Variants in SYBU observed in about 807,000 individuals in gnomAD.
The protein encoded by SYBU is GOLSYN A protein.
SYBU carries 21 observed loss-of-function variants against 35.9 expected under a neutral mutation model. That is an observed-to-expected ratio of 0.58 (90% CI 0.41 to 0.84). SYBU has a LOEUF of 0.84. Ranked by LOEUF, SYBU falls within the 40% of genes least tolerant of loss-of-function variation. The pLI is 0.00. For synonymous variants in SYBU, 319 were observed against 324.3 expected (o/e 0.98, Z 0.18); for missense variants, 768 against 848.2 (o/e 0.91, Z 1.17).
intron 2 of SYBU, among the ~76,000 whole-genome samples, chr8:109,631,488 A>G (rs968636606): frequency 1.3e-5 from 2 of 152,170 alleles, no homozygotes; most frequent in Admixed American, 6.5e-5. Context: ...GTAAAGGAGG[A>G]TGCAGGGCCA....
intron 1 of SYBU, chr8:109,644,128 G>A (rs913603005): frequency 2.2e-6 from 1 of 457,948 alleles, no homozygotes; most frequent in Non-Finnish European, 4.4e-6. Flanking sequence ...CCTCAGCAAT[G>A]GGGAACTTCG....
intron 1 of SYBU, among the ~76,000 whole-genome samples, chr8:109,687,425 T>G (rs192241112): frequency 1.4e-4 from 21 of 152,274 alleles, no homozygotes; most frequent in Non-Finnish European, 2.6e-4. Flanking sequence ...CAAATAGAAT[T>G]ATGGCACCAC....
Position 109,575,628 on chromosome 8 carries a change from C to T in SYBU, c.1270G>A (p.Gly424Arg). ...LSLEEQVTGE[G>R]ADRELLVGDS... ...CCTACCAGTAGCTCCCTGTCAGCCC[C>T]TTCCCCCGTGACCTGCTCTTCCAGA... The change falls in exon 7 of 7, where the codon GGG (glycine) becomes AGG (arginine). Residue 424 changes from glycine to arginine, a missense_variant. Transcript: ENST00000276646. 1 of 1,614,122 alleles carries T rather than the reference C, an allele frequency of 6.2e-7. No homozygotes were observed. The highest frequency in any genetic ancestry group is 8.5e-7 in the Non-Finnish European group (1 of 1,180,020).
In SYBU at chr8:109,663,822, A is replaced by G. The variant is rs536830251; in HGVS notation, c.-129+16889T>C. Among the ~76,000 whole-genome samples the G allele has an allele frequency of 1.5e-3, 228 of 152,266 alleles. 2 individuals are homozygous for G. The highest frequency in any genetic ancestry group is 5.2e-3 in the African/African-American group (215 of 41,564). The stretch of plus-strand genomic sequence containing the variant: ...TGCTTATTGTTTCTGATGCTATTTC[A>G]TACTAAACAAGTTACAGGTTGTCCT... On this transcript the variant is annotated intron_variant, in intron 1 of 5. Coordinates refer to the SYBU transcript ENST00000408889.
intron 1 of SYBU, among the ~76,000 whole-genome samples, chr8:109,650,997 C>G (rs184793391): frequency 9.8e-5 from 15 of 152,306 alleles, no homozygotes; most frequent in African/African-American, 3.6e-4. Context: ...GAATGAAATT[C>G]TAAGTGGCAT....
intron 1 of SYBU, among the ~76,000 whole-genome samples, chr8:109,687,320 G>C (rs1441227248): frequency 6.6e-6 from 1 of 152,222 alleles, no homozygotes; most frequent in East Asian, 1.9e-4. Context: ...AATAAAACTT[G>C]GCAAAAGAGA....
intron 2 of SYBU, among the ~76,000 whole-genome samples, chr8:109,638,183 A>C (rs1814442116): frequency 6.6e-6 from 1 of 152,208 alleles, no homozygotes; most frequent in Non-Finnish European, 1.5e-5. Context: ...AAAGCCAGCA[A>C]TCCATCTGCC....
intron 3 of SYBU, chr8:109,586,636 G>T (rs1005619874): frequency 6.5e-6 from 1 of 154,354 alleles, no homozygotes; most frequent in Non-Finnish European, 1.4e-5. Flanking sequence ...GTTAACCAAT[G>T]AGAGGCAGTC....
At position 109,644,671 on chromosome 8, in the gene SYBU, C is replaced by T; in HGVS notation, c.-12G>A. 1 of 1,516,480 alleles carries T rather than the reference C, an allele frequency of 6.6e-7. No individual in the cohort carries two copies. The highest frequency in any genetic ancestry group is 1.2e-5 in the South Asian group (1 of 82,256). 93.9% of individuals were successfully genotyped at this position (1,516,480 alleles called of 1,614,324 possible). On this transcript the variant is annotated 5_prime_UTR_variant, in exon 1 of 7. Coordinates refer to ENST00000276646, the MANE Select transcript of SYBU (RefSeq NM_001099754.2). ...CGGAGGGGCCCCATCGCGCCGCTGC[C>T]CGCCGGCTCCTCGCGCCGCCGCTGC...
chr8:109,628,450 A>T (rs1018117604), intron 2 of SYBU, among the ~76,000 whole-genome samples: 1 of 151,880 alleles, frequency 6.6e-6, no homozygotes, highest in Non-Finnish European at 1.5e-5. Context: ...CTCCCACCTC[A>T]GGCTCCCATT....
intron 4 of SYBU, chr8:109,585,784 T>G: frequency 4.6e-6 from 2 of 435,048 alleles, no homozygotes; most frequent in African/African-American, 2.0e-5. Flanking sequence ...CACAGGTGAG[T>G]AAGGGAAAGA....
At chr8:109,633,566 C>G (rs555637771) in intron 2 of SYBU, among the ~76,000 whole-genome samples, 6 of 152,256 alleles carry the variant, frequency 3.9e-5, no homozygotes, top group African/African-American at 1.4e-4. Flanking sequence ...CTGTATCCAG[C>G]AGTGGCCGGG....
chr8:109,646,834 C>T (rs1441380240), upstream of SYBU: 1 of 152,194 alleles, frequency 6.6e-6, no homozygotes, highest in Non-Finnish European at 1.5e-5. Flanking sequence ...GCATAAACCA[C>T]CAAGTGATCT....
chr8:109,629,394 C>T (rs1002599712), intron 2 of SYBU, among the ~76,000 whole-genome samples: 7 of 152,188 alleles, frequency 4.6e-5, no homozygotes, highest in African/African-American at 1.4e-4. Context: ...TCTAATATCC[C>T]TCTGAGATAA....
chr8:109,575,593 T>A lies in SYBU; in HGVS notation c.1305A>T (p.Ile435=). The A allele has an allele frequency of 6.2e-7, 1 of 1,614,106 alleles. No homozygotes were observed. The highest frequency in any genetic ancestry group is 1.6e-4 in the Middle Eastern group (1 of 6,062). ...CATCGAACAAATCTGTGCTGTTGGC[T>A]ATGCTATCTCCTACCAGTAGCTCCC... The part of the protein sequence containing the change: ...ADRELLVGDS[I]ANSTDLFDEI... The change falls in exon 7 of 7, where the codon ATA becomes ATT. Residue 435 remains isoleucine (I), a synonymous_variant. Transcript: ENST00000276646.
intron 1 of SYBU, among the ~76,000 whole-genome samples, chr8:109,686,201 GT>G (rs1817515594): frequency 1.3e-5 from 2 of 150,550 alleles, no homozygotes. Flanking sequence ...GGAAGAGCCC[GT>G]TTCAGCACCA....
chr8:109,594,170 C>T (rs989333240), intron 3 of SYBU, among the ~76,000 whole-genome samples: 4 of 151,890 alleles, frequency 2.6e-5, no homozygotes, highest in East Asian at 1.9e-4. Flanking sequence ...GTGCTGGGTG[C>T]GGAGCAGGGG....
At chr8:109,664,716 G>A (rs1227491548) in intron 1 of SYBU, among the ~76,000 whole-genome samples, 1 of 152,136 alleles carries the variant, frequency 6.6e-6, no homozygotes, top group Non-Finnish European at 1.5e-5. Flanking sequence ...AAGATGAGCA[G>A]GTGAGGCTTC....
At chr8:109,622,603 C>T (rs1217758745) in intron 2 of SYBU, among the ~76,000 whole-genome samples, 1 of 152,090 alleles carries the variant, frequency 6.6e-6, no homozygotes, top group Non-Finnish European at 1.5e-5. Flanking sequence ...TCTAATCTTA[C>T]CATACTAAAC....
Sources: allele counts gnomAD v4.1 joint callset (sites outside exome capture counted in the v4.1 genomes callset), GRCh38; gene constraint gnomAD v4.1.1; transcripts MANE v1.5; gene names NCBI Gene and HGNC (gene_info 2026-07-23, HGNC 2026-07-21).